Variants in PTPRM observed in about 807,000 individuals in gnomAD.
PTPRM encodes receptor-type tyrosine-protein phosphatase mu.
A neutral mutation model predicts 186.7 loss-of-function variants in PTPRM; 47 were observed. The ratio of observed to expected loss-of-function variants is 0.25; its 90% confidence interval spans 0.20 to 0.32. The LOEUF is 0.32. Ranked by LOEUF, PTPRM falls within the 10% of genes least tolerant of loss-of-function variation. The pLI, the probability that PTPRM is intolerant of heterozygous loss-of-function variation, is 1.00. For missense variants in PTPRM, 1,494 were observed against 1,865.0 expected (o/e 0.80, Z 3.66); for synonymous variants, 668 against 674.9 (o/e 0.99, Z 0.16).
At chr18:7,958,207 CAAAAAA>C (rs534178363) in intron 7 of PTPRM, among the ~76,000 whole-genome samples, 2 of 115,278 alleles carry the variant, frequency 1.7e-5, no homozygotes, top group Admixed American at 9.1e-5. Context: ...CCATCCCCTG[CAAAAAA>C]AAAAAAAAAA....
At chr18:7,797,782 A>C (rs1297064007) in intron 2 of PTPRM, among the ~76,000 whole-genome samples, 2 of 152,194 alleles carry the variant, frequency 1.3e-5, no homozygotes, top group Non-Finnish European at 2.9e-5. Context: ...TGACACCTGC[A>C]GTGTTTCAGG....
chr18:7,961,855 C>T (rs1051391788), intron 7 of PTPRM, among the ~76,000 whole-genome samples: 1 of 152,068 alleles, frequency 6.6e-6, no homozygotes. Flanking sequence ...TATCTGTCTG[C>T]GTAGAGCTAT....
intron 1 of PTPRM, among the ~76,000 whole-genome samples, chr18:7,590,637 A>G (rs900983675): frequency 6.6e-6 from 1 of 152,240 alleles, no homozygotes; most frequent in Non-Finnish European, 1.5e-5. Flanking sequence ...AGAATGCCAT[A>G]TAGCCACTAA....
chr18:8,144,021 C>A (rs1034563394), intron 14 of PTPRM, among the ~76,000 whole-genome samples: 1 of 152,218 alleles, frequency 6.6e-6, no homozygotes, highest in African/African-American at 2.4e-5. Flanking sequence ...CATCCTGTGT[C>A]TTCCCACACA....
At chr18:8,217,418 C>T (rs1006196484) in intron 14 of PTPRM, among the ~76,000 whole-genome samples, 4 of 152,148 alleles carry the variant, frequency 2.6e-5, no homozygotes, top group Non-Finnish European at 4.4e-5. Flanking sequence ...ACAGATATTC[C>T]ACCTACATTC....
chr18:8,185,548 G>A (rs1240525095), intron 14 of PTPRM, among the ~76,000 whole-genome samples: 5 of 152,198 alleles, frequency 3.3e-5, no homozygotes, highest in African/African-American at 7.2e-5. Context: ...AGACATTACC[G>A]TCTGGCACAG....
At position 8,379,047 on chromosome 18, in the gene PTPRM, GA is replaced by G. The variant is rs912532363; in HGVS notation, c.3613-119del. 1,152 of 730,068 alleles carry G rather than the reference GA, an allele frequency of 1.6e-3. 3 individuals carry two copies. The highest frequency in any genetic ancestry group is 1.9e-3 in the Non-Finnish European group (906 of 479,650). The allele number at this position is 730,068 out of a possible 1,614,324, so 45.2% of individuals were successfully genotyped here. On this transcript the variant is annotated intron_variant, in intron 27 of 32. Transcript: ENST00000580170. The stretch of plus-strand genomic sequence containing the variant: ...CTCGAACTATGGTGGGTTGGGGAGG[GA>G]GGGGGAAGGGACCGTCTTGCAGTCA...
intron 1 of PTPRM, among the ~76,000 whole-genome samples, chr18:7,616,033 G>A (rs1214728742): frequency 3.9e-5 from 6 of 152,206 alleles, no homozygotes; most frequent in East Asian, 1.9e-4. Flanking sequence ...TAATGCTCGC[G>A]AGCCGCCACT....
At chr18:7,981,688 G>A (rs1568123085) in intron 7 of PTPRM, among the ~76,000 whole-genome samples, 1 of 152,156 alleles carries the variant, frequency 6.6e-6, no homozygotes, top group Non-Finnish European at 1.5e-5. Flanking sequence ...TGCATCTTTA[G>A]GTGATTTGGT....
intron 14 of PTPRM, among the ~76,000 whole-genome samples, chr18:8,219,506 G>A (rs565328257): frequency 7.2e-5 from 11 of 152,060 alleles, no homozygotes; most frequent in Admixed American, 5.2e-4. Context: ...ATGAGTAACC[G>A]TGGCCCAAGG....
chr18:8,195,486 A>G (rs2093765092), intron 14 of PTPRM, among the ~76,000 whole-genome samples: 1 of 152,194 alleles, frequency 6.6e-6, no homozygotes, highest in Non-Finnish European at 1.5e-5. Flanking sequence ...TGTGGAATCA[A>G]CCTCGTATGC....
At chr18:7,929,467 A>G (rs2051355440) in intron 5 of PTPRM, among the ~76,000 whole-genome samples, 1 of 152,134 alleles carries the variant, frequency 6.6e-6, no homozygotes, top group East Asian at 1.9e-4. Context: ...GATGACACAG[A>G]TAGAACTGTT....
chr18:8,224,856 A>G (rs2094194963), intron 14 of PTPRM, among the ~76,000 whole-genome samples: 1 of 152,180 alleles, frequency 6.6e-6, no homozygotes, highest in South Asian at 2.1e-4. Flanking sequence ...GGCTAGCACT[A>G]GAGGATTAAT....
chr18:7,604,211 C>T (rs536792860), intron 1 of PTPRM, among the ~76,000 whole-genome samples: 3 of 152,158 alleles, frequency 2.0e-5, no homozygotes, highest in African/African-American at 7.2e-5. Context: ...CTTTTCATGC[C>T]GAGCAGGGCT....
intron 7 of PTPRM, among the ~76,000 whole-genome samples, chr18:8,058,893 C>T (rs1347577781): frequency 1.3e-5 from 1 of 76,622 alleles, no homozygotes; most frequent in South Asian, 4.8e-4. Context: ...TAGTGTGATG[C>T]CTCCAGCTTT....
intron 6 of PTPRM, among the ~76,000 whole-genome samples, chr18:7,954,898 A>G (rs2147113424): frequency 6.6e-6 from 1 of 152,336 alleles, no homozygotes; most frequent in South Asian, 2.1e-4. Flanking sequence ...GGTTATGCCT[A>G]CTTGAATAAG....
chr18:8,020,604 C>G (rs1009898603), intron 7 of PTPRM, among the ~76,000 whole-genome samples: 1 of 152,154 alleles, frequency 6.6e-6, no homozygotes, highest in South Asian at 2.1e-4. Flanking sequence ...TGGAATGTTT[C>G]GGGTGTCTCT....
intron 1 of PTPRM, among the ~76,000 whole-genome samples, chr18:7,576,189 A>G (rs570321706): frequency 4.5e-4 from 69 of 152,338 alleles, no homozygotes; most frequent in African/African-American, 1.4e-3. Flanking sequence ...GAAGCAAAGC[A>G]TTTACTTTTT....
At chr18:7,816,082 G>T (rs2044809211) in intron 2 of PTPRM, among the ~76,000 whole-genome samples, 1 of 152,190 alleles carries the variant, frequency 6.6e-6, no homozygotes, top group South Asian at 2.1e-4. Flanking sequence ...ATTCTGGAAG[G>T]TCTAATAGCT....
Sources: gnomAD v4.1 joint callset for allele counts (sites outside exome capture counted in the v4.1 genomes callset) on GRCh38, gnomAD v4.1.1 for gene constraint, MANE v1.5 for transcripts, NCBI Gene and HGNC (gene_info 2026-07-23, HGNC 2026-07-21) for gene names.